The following OXR1 variants were observed in gnomAD, a reference collection of about 807,000 sequenced individuals.
OXR1 encodes oxidation resistance protein 1.
A neutral mutation model predicts 104.6 loss-of-function variants in OXR1; 41 were observed. The ratio of observed to expected loss-of-function variants is 0.39; its 90% CI spans 0.31 to 0.51. The LOEUF (loss-of-function observed/expected upper bound fraction) is 0.51, where lower values mean the gene tolerates loss of function less well. Among genes scored for constraint, OXR1 ranks in the 20% least tolerant of loss-of-function variants. The probability of loss-of-function intolerance (pLI) is 0.77; values close to 1 mark genes in which losing one functional copy is unlikely to be tolerated. For missense variants in OXR1, 955 were observed against 1,031.9 expected (o/e 0.93, Z 1.02); for synonymous variants, 348 against 348.4 (o/e 1.00, Z 0.01).
chr8:106,270,578 C>T (rs1811753745), intron 1 of OXR1, among the ~76,000 whole-genome samples: 1 of 152,110 alleles, frequency 6.6e-6, no homozygotes, highest in African/African-American at 2.4e-5. Context: ...GAGGGCAGAA[C>T]TAGCTCCAGC....
Position 106,419,018 on chromosome 8 carries a change from C to T in OXR1, c.23+59382C>T, listed in dbSNP as rs937862419. On this transcript the variant is annotated intron_variant, in intron 2 of 16. Transcript: ENST00000517566. The stretch of plus-strand genomic sequence containing the variant: ...ACCATTACACATATAGCACTATTAT[C>T]AGAAAAATATAATAAGCAAAATATT... 3.3e-5 allele frequency among the ~76,000 whole-genome samples: 5 copies of T among 152,216 alleles called. No individual in the cohort carries two copies. The East Asian group carries it at 7.7e-4, about 23-fold the overall frequency.
At chr8:106,693,483 G>A (rs1459467346) in intron 7 of OXR1, among the ~76,000 whole-genome samples, 1 of 138,724 alleles carries the variant, frequency 7.2e-6, no homozygotes, top group East Asian at 2.2e-4. Context: ...AGGCTGGAGT[G>A]CAATGGCGTG....
chr8:106,381,102 C>A (rs1817129851), intron 2 of OXR1, among the ~76,000 whole-genome samples: 1 of 152,034 alleles, frequency 6.6e-6, no homozygotes, highest in Non-Finnish European at 1.5e-5. Context: ...GTGCAGAGTT[C>A]TGAAGGAAAG....
intron 3 of OXR1, among the ~76,000 whole-genome samples, chr8:106,572,524 G>A (rs569383692): frequency 2.0e-5 from 3 of 152,180 alleles, no homozygotes; most frequent in East Asian, 3.9e-4. Context: ...TTTACTGTTA[G>A]CAGTAAGGAG....
At chr8:106,651,934 CA>C (rs2131016218) in intron 3 of OXR1, among the ~76,000 whole-genome samples, 1 of 152,126 alleles carries the variant, frequency 6.6e-6, no homozygotes, top group South Asian at 2.1e-4. Flanking sequence ...TAACTTCTTT[CA>C]ATTATGTTTT....
chr8:106,654,662 T>G (rs1013751976), intron 3 of OXR1, among the ~76,000 whole-genome samples: 1 of 152,138 alleles, frequency 6.6e-6, no homozygotes, highest in Non-Finnish European at 1.5e-5. Context: ...ACATAATAGT[T>G]AATCTTCGAA....
chr8:106,380,999 CA>C (rs998575003), intron 2 of OXR1, among the ~76,000 whole-genome samples: 3 of 151,964 alleles, frequency 2.0e-5, no homozygotes, highest in African/African-American at 7.3e-5. Flanking sequence ...TAGCAGTGGG[CA>C]TTAGTACGAC....
intron 6 of OXR1, among the ~76,000 whole-genome samples, chr8:106,686,270 T>C (rs1828707398): frequency 7.7e-6 from 1 of 130,570 alleles, no homozygotes; most frequent in Non-Finnish European, 1.6e-5. Flanking sequence ...TGAAAACATA[T>C]TGAAATGGAA....
chr8:106,597,345 G>C (rs972641877), intron 3 of OXR1, among the ~76,000 whole-genome samples: 1 of 152,098 alleles, frequency 6.6e-6, no homozygotes, highest in African/African-American at 2.4e-5. Context: ...CTGTGAGAAA[G>C]CAGGCTCCTT....
At chr8:106,373,192 T>A (rs939395226) in intron 2 of OXR1, among the ~76,000 whole-genome samples, 3 of 152,202 alleles carry the variant, frequency 2.0e-5, no homozygotes, top group African/African-American at 7.2e-5. Flanking sequence ...AACTTGAGTA[T>A]CCTTGGATTT....
intron 3 of OXR1, among the ~76,000 whole-genome samples, chr8:106,541,636 G>A (rs891780550): frequency 6.6e-6 from 1 of 152,004 alleles, no homozygotes; most frequent in Non-Finnish European, 1.5e-5. Flanking sequence ...CCAGTACCTC[G>A]CCAAAACTGA....
At chr8:106,726,051 C>T (rs1833307009) in intron 11 of OXR1, 2 of 764,082 alleles carry the variant, frequency 2.6e-6, no homozygotes, top group Non-Finnish European at 3.8e-6. Flanking sequence ...AGCCTCCACT[C>T]AGGACTATCA....
At chr8:106,661,853 T>C (rs1287784927) in intron 3 of OXR1, among the ~76,000 whole-genome samples, 2 of 152,240 alleles carry the variant, frequency 1.3e-5, no homozygotes, top group African/African-American at 4.8e-5. Context: ...TTTACCTTTC[T>C]ACCTCAGTTC....
chr8:106,438,246 TAAAG>T (rs747231403), intron 2 of OXR1, among the ~76,000 whole-genome samples: 5 of 151,932 alleles, frequency 3.3e-5, no homozygotes, highest in Non-Finnish European at 7.4e-5. Context: ...GTCATCTAAA[TAAAG>T]AAAGAGATTG....
chr8:106,714,756 A>G (rs566461571), intron 11 of OXR1, among the ~76,000 whole-genome samples: 2 of 152,222 alleles, frequency 1.3e-5, no homozygotes, highest in African/African-American at 2.4e-5. Context: ...TAATAAATGT[A>G]ATCAAATTTT....
chr8:106,417,571 T>G (rs1818729255), intron 2 of OXR1, among the ~76,000 whole-genome samples: 1 of 152,110 alleles, frequency 6.6e-6, no homozygotes, highest in South Asian at 2.1e-4. Context: ...TTATTAAAAT[T>G]TCTGTTTCTA....
intron 1 of OXR1, among the ~76,000 whole-genome samples, chr8:106,303,532 C>T (rs1813350033): frequency 6.6e-6 from 1 of 151,994 alleles, no homozygotes; most frequent in Non-Finnish European, 1.5e-5. Flanking sequence ...GCTACCGAGC[C>T]CGGCCGGAAC....
intron 3 of OXR1, among the ~76,000 whole-genome samples, chr8:106,677,105 A>T (rs1827672956): frequency 6.6e-6 from 1 of 152,094 alleles, no homozygotes; most frequent in Non-Finnish European, 1.5e-5. Flanking sequence ...TTACTCCTAA[A>T]ATCAATTAAG....
intron 12 of OXR1, among the ~76,000 whole-genome samples, chr8:106,738,898 G>A (rs1563762444): frequency 6.6e-6 from 1 of 151,820 alleles, no homozygotes; most frequent in Non-Finnish European, 1.5e-5. Flanking sequence ...TAAAAAGAAA[G>A]CATTTAAAAA....
Sources: allele counts gnomAD v4.1 joint callset (sites outside exome capture counted in the v4.1 genomes callset), GRCh38; gene constraint gnomAD v4.1.1; transcripts MANE v1.5; gene names NCBI Gene and HGNC (gene_info 2026-07-23, HGNC 2026-07-21).